Variants in AGPS observed in about 807,000 individuals in gnomAD.
The protein encoded by AGPS is alkylglycerone phosphate synthase.
AGPS carries 26 observed loss-of-function variants against 90.7 expected under a neutral mutation model. The ratio of observed to expected loss-of-function variants is 0.29; its 90% CI spans 0.21 to 0.40. The LOEUF is 0.40. Ranked by LOEUF, AGPS falls within the 10% of genes least tolerant of loss-of-function variation. The pLI is 1.00. For missense variants in AGPS, 540 were observed against 816.1 expected (o/e 0.66, Z 4.12); for synonymous variants, 294 against 285.3 (o/e 1.03, Z -0.31).
At chr2:177,524,887 A>C (rs972481609) in intron 19 of AGPS, among the ~76,000 whole-genome samples, 1 of 152,212 alleles carries the variant, frequency 6.6e-6, no homozygotes, top group Non-Finnish European at 1.5e-5. Context: ...TGTCCATATC[A>C]TATTCTTACA....
intron 8 of AGPS, among the ~76,000 whole-genome samples, 188 bp from the exon 9 acceptor site, chr2:177,461,705 C>T (rs1176221822): frequency 2.7e-5 from 4 of 149,130 alleles, no homozygotes; most frequent in Non-Finnish European, 4.4e-5. Context: ...TTCCACTAGG[C>T]AAAAGCTTAA....
Position 177,508,127 on chromosome 2 carries a change from T to C in AGPS, c.1607+96T>C, listed in dbSNP as rs1255670720. 3.2e-6 allele frequency: 3 copies of C among 934,962 alleles called. No individual in the cohort carries two copies. The South Asian group carries it at 4.1e-5, about 13-fold the overall frequency. 57.9% of individuals were successfully genotyped at this position (934,962 alleles called of 1,614,324 possible). A position where few individuals can be genotyped will look rare whatever the true frequency, so the allele number is the denominator to read the frequency against. On this transcript the variant is annotated intron_variant, in intron 16 of 19. Coordinates refer to ENST00000264167, the MANE Select transcript of AGPS (RefSeq NM_003659.4). The stretch of plus-strand genomic sequence containing the variant: ...TGTGTGAATATGTAAGTTTAAAACA[T>C]TTTATGAAGAAACATTGAGACAAGG...
intron 8 of AGPS, among the ~76,000 whole-genome samples, chr2:177,461,210 G>C (rs1007006379): frequency 6.6e-6 from 1 of 152,182 alleles, no homozygotes; most frequent in Admixed American, 6.5e-5. Flanking sequence ...TGGCTTTGGT[G>C]GTGTTGCAGT....
At chr2:177,522,484 C>T (rs1258793565) in intron 18 of AGPS, among the ~76,000 whole-genome samples, 1 of 152,170 alleles carries the variant, frequency 6.6e-6, no homozygotes, top group Admixed American at 6.5e-5. Flanking sequence ...AAGTCTCACT[C>T]TGTTGCCCAG....
intron 6 of AGPS, among the ~76,000 whole-genome samples, chr2:177,441,836 A>G (rs990974447): frequency 6.6e-6 from 1 of 152,222 alleles, no homozygotes; most frequent in Non-Finnish European, 1.5e-5. Context: ...GTGTTTAAAT[A>G]CTTCTATGTA....
intron 5 of AGPS, among the ~76,000 whole-genome samples, chr2:177,439,487 T>C (rs1334415304): frequency 1.1e-4 from 17 of 152,184 alleles, no homozygotes; most frequent in Admixed American, 1.0e-3. Context: ...TTGTGAATTA[T>C]TAATTAATGA....
intron 9 of AGPS, among the ~76,000 whole-genome samples, chr2:177,463,530 A>G (rs1473088567): frequency 2.0e-5 from 3 of 152,136 alleles, no homozygotes; most frequent in Middle Eastern, 3.2e-3. Flanking sequence ...ATTTTCATCA[A>G]TATCTTTGTT....
At chr2:177,401,119 C>G (rs1380620851) in intron 1 of AGPS, among the ~76,000 whole-genome samples, 1 of 152,194 alleles carries the variant, frequency 6.6e-6, no homozygotes, top group Non-Finnish European at 1.5e-5. Context: ...ATGGAGCTGA[C>G]TTTTAAATTT....
chr2:177,523,818 G>A lies in AGPS; in HGVS notation c.1855+13G>A. 1 of 1,606,748 alleles carries A rather than the reference G, an allele frequency of 6.2e-7. No homozygotes were observed. The highest frequency in any genetic ancestry group is 8.5e-7 in the Non-Finnish European group (1 of 1,173,480). On this transcript the variant is annotated intron_variant, in intron 19 of 19. Transcript: ENST00000264167. ...CATCACCATGGAGGTATTCTTTTTTGGGAGTAGAATTTCTAATATTCTTAC... is the reference window on the plus strand; with the variant it reads ...CATCACCATGGAGGTATTCTTTTTTAGGAGTAGAATTTCTAATATTCTTAC...
intron 2 of AGPS, among the ~76,000 whole-genome samples, chr2:177,429,503 C>CT (rs1359917811): frequency 1.3e-5 from 2 of 151,910 alleles, no homozygotes; most frequent in East Asian, 3.9e-4. Flanking sequence ...TTTGTGTGGT[C>CT]TTTTTTTTGA....
rs1451888461 is a variant in AGPS, at chr2:177,543,759, T to C, written c.*5564T>C. The C allele has an allele frequency of 1.3e-5, 2 of 152,228 alleles. No homozygotes were observed. The highest frequency in any genetic ancestry group is 1.9e-4 in the East Asian group (1 of 5,200). 9.4% of individuals were successfully genotyped at this position (152,228 alleles called of 1,614,324 possible). A position where few individuals can be genotyped will look rare whatever the true frequency, so the allele number is the denominator to read the frequency against. On this transcript the variant is annotated 3_prime_UTR_variant, in exon 20 of 20. Transcript: ENST00000264167. The stretch of plus-strand genomic sequence containing the variant: ...TCTCCTCTTACTGGTTTTCTTAGAC[T>C]GTATTGTTCTATAAGCAAATGCCCA...
At chr2:177,437,915 T>C (rs1440414423) in intron 5 of AGPS, among the ~76,000 whole-genome samples, 1 of 152,200 alleles carries the variant, frequency 6.6e-6, no homozygotes, top group Non-Finnish European at 1.5e-5. Flanking sequence ...GTAGCAGAGA[T>C]GAAGTTACTT....
At chr2:177,455,451 CT>C (rs961459898) in intron 8 of AGPS, among the ~76,000 whole-genome samples, 23 of 147,790 alleles carry the variant, frequency 1.6e-4, no homozygotes, top group East Asian at 3.9e-4. Flanking sequence ...TGTTTGAAAA[CT>C]TTTTTTTTTT....
intron 5 of AGPS, 31 bp downstream of exon 5, chr2:177,437,085 T>C: frequency 6.3e-7 from 1 of 1,589,350 alleles, no homozygotes; most frequent in Non-Finnish European, 8.6e-7. Context: ...ATCATTAATT[T>C]AGTATTGCTA....
intron 1 of AGPS, among the ~76,000 whole-genome samples, chr2:177,416,611 C>T (rs1484529256): frequency 6.7e-6 from 1 of 150,332 alleles, no homozygotes; most frequent in South Asian, 2.1e-4. Flanking sequence ...CTGCCACCTC[C>T]GCCTCCCAGG....
At chr2:177,531,099 A>G (rs1299943888) in intron 19 of AGPS, among the ~76,000 whole-genome samples, 1 of 152,164 alleles carries the variant, frequency 6.6e-6, no homozygotes, top group Non-Finnish European at 1.5e-5. Context: ...AGAATCTAAT[A>G]GTATTAGAAA....
chr2:177,492,823 T>C (rs1393631096), intron 11 of AGPS, among the ~76,000 whole-genome samples: 1 of 152,208 alleles, frequency 6.6e-6, no homozygotes, highest in Non-Finnish European at 1.5e-5. Flanking sequence ...TAATCCACTT[T>C]GGGGTCTGGT....
At chr2:177,458,567 A>T (rs1687190117) in intron 8 of AGPS, among the ~76,000 whole-genome samples, 1 of 152,212 alleles carries the variant, frequency 6.6e-6, no homozygotes. Context: ...GTGAACTCCT[A>T]TTCACAATTG....
chr2:177,533,638 C>T (rs551083203), intron 19 of AGPS, among the ~76,000 whole-genome samples: 2 of 152,234 alleles, frequency 1.3e-5, no homozygotes, highest in South Asian at 4.1e-4. Flanking sequence ...CTGAGAATGC[C>T]TGTATTACAT....
Sources: allele counts gnomAD v4.1 joint callset (sites outside exome capture counted in the v4.1 genomes callset), GRCh38; gene constraint gnomAD v4.1.1; transcripts MANE v1.5; gene names NCBI Gene and HGNC (gene_info 2026-07-23, HGNC 2026-07-21).